Variants in KNDC1 observed in about 807,000 individuals in gnomAD.
KNDC1 encodes the protein kinase non-catalytic C-lobe domain-containing protein 1.
KNDC1 carries 106 observed loss-of-function variants against 172.8 expected under a neutral mutation model. The observed-to-expected ratio is 0.61, with a 90% CI of 0.52 to 0.72. The LOEUF (loss-of-function observed/expected upper bound fraction) is 0.72. Among genes scored for constraint, KNDC1 ranks in the 30% least tolerant of loss-of-function variants. The pLI is 0.00. For missense variants in KNDC1, 2,325 were observed against 2,394.5 expected (o/e 0.97, Z 0.61); for synonymous variants, 1,083 against 1,062.2 (o/e 1.02, Z -0.38).
chr10:133,216,666 T>C (rs753034002), intron 26 of KNDC1, among the ~76,000 whole-genome samples: 9 of 151,970 alleles, frequency 5.9e-5, no homozygotes, highest in Non-Finnish European at 1.0e-4. Context: ...TGCGAGACCC[T>C]ATCTCAAAAA....
At chr10:133,167,090 G>C (rs1853187142) in intron 1 of KNDC1, 1 of 479,082 alleles carries the variant, frequency 2.1e-6, no homozygotes, top group African/African-American at 1.9e-5. Context: ...AGGTGACCCA[G>C]CAGCTCTGGC....
intron 21 of KNDC1, 75 bp downstream of exon 21, chr10:133,210,799 G>A: frequency 8.0e-7 from 1 of 1,251,268 alleles, no homozygotes; most frequent in Non-Finnish European, 1.2e-6. Context: ...GCCTGGTTTA[G>A]CCACCATGAA....
chr10:133,210,941 C>G (rs969172615), intron 21 of KNDC1, among the ~76,000 whole-genome samples: 1 of 152,130 alleles, frequency 6.6e-6, no homozygotes, highest in African/African-American at 2.4e-5. Flanking sequence ...GCCTGGGCAC[C>G]TGGGAGCTCT....
In KNDC1 at chr10:133,161,496, C is replaced by G. The variant is rs558501458; in HGVS notation, c.102+927C>G. ...GGCCTGACCCCCTCGCAGTCCCCAC[C>G]TGCTGCCCCAGGGGAGTGGGCTCTG... On this transcript the variant is annotated intron_variant, in intron 1 of 29. Coordinates refer to ENST00000304613, the MANE Select transcript of KNDC1 (RefSeq NM_152643.8). Among the ~76,000 whole-genome samples the G allele has an allele frequency of 5.3e-5, 8 of 152,316 alleles. No homozygotes were observed. In the East Asian group the frequency reaches 1.5e-3, roughly 29 times the overall value.
At position 133,176,142 on chromosome 10, in the gene KNDC1, AT is replaced by A. The variant is rs1392304013; in HGVS notation, c.361-7199del. ...TATGAACAGGCAGATGTATGGGTGG[AT>A]TTGTGGATGGATCATGGGTGGGTGG... On this transcript the variant is annotated intron_variant, in intron 3 of 29. Transcript: ENST00000304613. Among the ~76,000 whole-genome samples, 17 of 147,726 alleles carry A rather than the reference AT, an allele frequency of 1.2e-4. No homozygotes were observed. The East Asian group carries it at 3.7e-3, about 32-fold the overall frequency.
chr10:133,184,215 A>C (rs1853816749), intron 5 of KNDC1, among the ~76,000 whole-genome samples: 1 of 59,106 alleles, frequency 1.7e-5, no homozygotes, highest in East Asian at 1.0e-3. Flanking sequence ...CATGCTGCAC[A>C]CACCCATGCA....
Position 133,185,431 on chromosome 10 carries a change from G to A in KNDC1, c.626-543G>A, listed in dbSNP as rs1417825459. 4.0e-5 allele frequency among the ~76,000 whole-genome samples: 6 copies of A among 148,678 alleles called. No individual in the cohort carries two copies. The East Asian group carries it at 1.2e-3, about 30-fold the overall frequency. ...GTGTGTGCAGTGTGGAGTAGGCAGT[G>A]TGTGCAGTGTGGAATAGGCAGTGTG... On this transcript the variant is annotated intron_variant, in intron 5 of 29. Transcript: ENST00000304613.
chr10:133,196,088 C>T (rs7073064), intron 10 of KNDC1, among the ~76,000 whole-genome samples: 60,851 of 152,146 alleles, frequency 0.4, 14,140 homozygotes, highest in South Asian at 0.65. Context: ...CTGCGGAGCC[C>T]GCTCTCTCCA....
At position 133,177,622 on chromosome 10, in the gene KNDC1, AGT is replaced by A. The variant is rs1416507831; in HGVS notation, c.361-5717_361-5716del. On this transcript the variant is annotated intron_variant, in intron 3 of 29. Coordinates refer to ENST00000304613, the MANE Select transcript of KNDC1 (RefSeq NM_152643.8). Reference sequence around the variant, plus strand: ...GTGCATAATGCATGTGCATGCACATAGTGTGTTGTGAGCATGTGTGTTGCATG... The same window carrying A: ...GTGCATAATGCATGTGCATGCACATAGTGTTGTGAGCATGTGTGTTGCATG... Among the ~76,000 whole-genome samples, 9 of 151,482 alleles carry A rather than the reference AGT, an allele frequency of 5.9e-5. No homozygotes were observed. The East Asian group carries it at 9.9e-4, about 17-fold the overall frequency.
At chr10:133,190,338 ACACCCTGCACTAAG>A (rs1243958701) in intron 9 of KNDC1, among the ~76,000 whole-genome samples, 1 of 58,464 alleles carries the variant, frequency 1.7e-5, no homozygotes, top group Admixed American at 2.0e-4. Flanking sequence ...CCTGCACTAA[ACACCCTGCACTAAG>A]CACCCTGCAC....
intron 10 of KNDC1, among the ~76,000 whole-genome samples, chr10:133,196,781 C>T (rs577565990): frequency 1.3e-4 from 20 of 152,314 alleles, no homozygotes; most frequent in African/African-American, 4.6e-4. Flanking sequence ...CCAAGGGCTG[C>T]CAGTGTCCAG....
chr10:133,185,513 A>C (rs976220620), intron 5 of KNDC1, among the ~76,000 whole-genome samples: 7 of 151,954 alleles, frequency 4.6e-5, no homozygotes, highest in African/African-American at 1.5e-4. Flanking sequence ...TGCAGTGTGA[A>C]GTAGGCAGAA....
intron 6 of KNDC1, 50 bp from the exon 7 acceptor site, chr10:133,188,489 G>A (rs1853982461): frequency 1.6e-6 from 2 of 1,254,882 alleles, no homozygotes; most frequent in East Asian, 5.1e-5. Flanking sequence ...CCAGGCGGCG[G>A]GCCCTGGCAA....
chr10:133,220,127 AGGCGGCCGCGC>A lies in KNDC1; in HGVS notation c.5018+17_5018+27del. ...AGCAAGCTCAGGTGAGGAGGGGCTCAGGCGGCCGCGCGCCCAGGAGAGGAGGGGCTCAGGCG... is the reference window on the plus strand; with the variant it reads ...AGCAAGCTCAGGTGAGGAGGGGCTCAGCCCAGGAGAGGAGGGGCTCAGGCG... On this transcript the variant is annotated intron_variant, in intron 29 of 29. Transcript: ENST00000304613. The A allele has an allele frequency of 1.3e-6, 2 of 1,515,516 alleles. No individual in the cohort carries two copies. The highest frequency in any genetic ancestry group is 1.8e-6 in the Non-Finnish European group (2 of 1,120,628). 93.9% of individuals were successfully genotyped at this position (1,515,516 alleles called of 1,614,324 possible).
rs1286680381 is a variant in KNDC1 at position 133,189,814 on chromosome 10, G to A, written c.1575+1G>A. ...AGAGGAGAGGCTGGTAACTGAAAAGGTACCCGGGCCCTCCCCACCCTGCCC... is the reference window on the plus strand; with the variant it reads ...AGAGGAGAGGCTGGTAACTGAAAAGATACCCGGGCCCTCCCCACCCTGCCC... On this transcript the variant is annotated splice_donor_variant, in intron 9 of 29. Transcript: ENST00000304613. LOFTEE classifies it high-confidence loss of function. 1 of 1,612,566 alleles carries A rather than the reference G, an allele frequency of 6.2e-7. No homozygotes were observed. The highest frequency in any genetic ancestry group is 1.7e-5 in the Admixed American group (1 of 59,998).
intron 20 of KNDC1, among the ~76,000 whole-genome samples, chr10:133,208,447 CCCCAACCCCG>C (rs1232738876): frequency 0.011 from 408 of 37,158 alleles, 200 homozygotes; most frequent in African/African-American, 0.019. Flanking sequence ...GATGTGGCCC[CCCCAACCCCG>C]TTACCCCAAG....
chr10:133,195,953 G>A, intron 10 of KNDC1, 132 bp downstream of exon 10: 4 of 945,880 alleles, frequency 4.2e-6, no homozygotes, highest in Non-Finnish European at 6.0e-6. Context: ...TCTGTTTCTA[G>A]GTCCCTGTTT....
At chr10:133,195,538 T>C in intron 9 of KNDC1, 125 bp from the exon 10 acceptor site, 1 of 911,112 alleles carries the variant, frequency 1.1e-6, no homozygotes, top group Middle Eastern at 2.7e-4. Flanking sequence ...AGGAGGGGTC[T>C]TGAGGAGAGC....
In KNDC1 at chr10:133,201,821, G is replaced by A. The variant is rs757014752; in HGVS notation, c.3310G>A (p.Gly1104Arg). 8.9e-5 allele frequency: 134 copies of A among 1,497,488 alleles called. No individual in the cohort carries two copies. Among genetic ancestry groups the A allele is most frequent in the Non-Finnish European group, 1.0e-4 (118 of 1,125,892 alleles). The allele number at this position is 1,497,488 out of a possible 1,614,324, so 92.8% of individuals were successfully genotyped here. A position where few individuals can be genotyped will look rare whatever the true frequency, so the allele number is the denominator to read the frequency against. The change falls in exon 17 of 30, where the codon GGG (glycine) becomes AGG (arginine). Residue 1104 changes from glycine to arginine, a missense_variant. Transcript: ENST00000304613. ...CSAFYEADCFGADVHNYVKDL... is the reference protein window; with the variant it reads ...CSAFYEADCFRADVHNYVKDL... ...CGCCTTCTACGAGGCCGACTGCTTC[G>A]GGGCCGACGTCCACAACTACGTGAA...
Sources: gnomAD v4.1 joint callset for allele counts (sites outside exome capture counted in the v4.1 genomes callset) on GRCh38, gnomAD v4.1.1 for gene constraint, MANE v1.5 for transcripts, NCBI Gene and HGNC (gene_info 2026-07-23, HGNC 2026-07-21) for gene names.